The following ELAPOR2 variants were observed in gnomAD, a reference collection of about 807,000 sequenced individuals.
ELAPOR2 encodes the protein endosome-lysosome associated apoptosis and autophagy regulator family member 2.
ELAPOR2 carries 89 observed loss-of-function variants against 120.7 expected under a neutral mutation model. The observed-to-expected ratio is 0.74, with a 90% CI of 0.62 to 0.88. The LOEUF is 0.88. Ranked by LOEUF, ELAPOR2 falls within the 40% of genes least tolerant of loss-of-function variation. The pLI is 0.00. For missense variants in ELAPOR2, 1,134 were observed against 1,251.6 expected (o/e 0.91, Z 1.42); for synonymous variants, 444 against 444.9 (o/e 1.00, Z 0.03).
At chr7:87,047,329 G>A (rs994247137) in intron 1 of ELAPOR2, among the ~76,000 whole-genome samples, 18 of 152,136 alleles carry the variant, frequency 1.2e-4, no homozygotes, top group Admixed American at 2.6e-4. Context: ...AGCAAAAATA[G>A]ACAAATGGGA....
intron 1 of ELAPOR2, among the ~76,000 whole-genome samples, chr7:87,032,432 A>C (rs1292047087): frequency 1.3e-5 from 2 of 152,220 alleles, no homozygotes; most frequent in Non-Finnish European, 2.9e-5. Context: ...GTAAAATGAC[A>C]GAATTACACA....
At position 86,919,224 on chromosome 7, in the gene ELAPOR2, A is replaced by G. The variant is rs570321845; in HGVS notation, c.1486T>C (p.Phe496Leu). The stretch of plus-strand genomic sequence containing the variant: ...AATTAGAATTGTTTTCCTTACTTAA[A>G]TCCTGGGATATGCAAGTTTAAGATC... The part of the protein sequence containing the change: ...YLILNLHIPG[F>L]KPPTSMTGAT... The change falls in exon 11 of 22, where the codon TTT (phenylalanine) becomes CTT (leucine). Residue 496 changes from phenylalanine to leucine, a missense_variant. This residue lies in a region of ELAPOR2 where 831 missense variants were observed against 867.6 expected (regional missense o/e 0.96). Coordinates refer to ENST00000450689, the MANE Select transcript of ELAPOR2 (RefSeq NM_001142749.3). 4.9e-5 allele frequency: 79 copies of G among 1,607,666 alleles called. No individual in the cohort carries two copies. In the South Asian group the frequency reaches 8.2e-4, roughly 17 times the overall value.
intron 1 of ELAPOR2, among the ~76,000 whole-genome samples, chr7:86,993,636 A>G (rs1793028387): frequency 6.6e-6 from 1 of 152,230 alleles, no homozygotes; most frequent in Non-Finnish European, 1.5e-5. Context: ...GAATTATACT[A>G]CTGCCTTTCA....
At chr7:86,998,535 G>C (rs1269615281) in intron 1 of ELAPOR2, among the ~76,000 whole-genome samples, 1 of 152,156 alleles carries the variant, frequency 6.6e-6, no homozygotes, top group Non-Finnish European at 1.5e-5. Context: ...TTTTGGGGCA[G>C]AGAGTTTGTT....
chr7:86,954,844 T>G (rs28635668), intron 2 of ELAPOR2, among the ~76,000 whole-genome samples: 17,491 of 152,098 alleles, frequency 0.11, 1,063 homozygotes, highest in East Asian at 0.14. Flanking sequence ...TTAAATAAGA[T>G]GAATAAGGTT....
At chr7:86,910,854 T>C (rs1789271397) in intron 15 of ELAPOR2, among the ~76,000 whole-genome samples, 1 of 152,096 alleles carries the variant, frequency 6.6e-6, no homozygotes, top group Non-Finnish European at 1.5e-5. Flanking sequence ...TTAATGCAGC[T>C]AGCAGACCTA....
intron 1 of ELAPOR2, among the ~76,000 whole-genome samples, chr7:86,990,771 A>G (rs1437053620): frequency 6.6e-6 from 1 of 152,204 alleles, no homozygotes; most frequent in African/African-American, 2.4e-5. Flanking sequence ...GCCTTATTTC[A>G]GCTTAAACTT....
At chr7:86,952,293 C>A (rs530459337) in intron 2 of ELAPOR2, among the ~76,000 whole-genome samples, 1 of 152,198 alleles carries the variant, frequency 6.6e-6, no homozygotes, top group East Asian at 1.9e-4. Context: ...AGGGATTATG[C>A]CTATATACCA....
chr7:86,990,004 T>C (rs1635031), intron 1 of ELAPOR2, among the ~76,000 whole-genome samples: 57,407 of 151,732 alleles, frequency 0.38, 11,714 homozygotes, highest in African/African-American at 0.53. Context: ...GGTGGCGCCT[T>C]TAAGAGGTGA....
chr7:87,057,359 C>CCCCT (rs1419223357), intron 1 of ELAPOR2, among the ~76,000 whole-genome samples: 1 of 152,176 alleles, frequency 6.6e-6, no homozygotes, highest in African/African-American at 2.4e-5. Flanking sequence ...ACAGATTCAA[C>CCCCT]CCCTGGGAGG....
Position 86,878,331 on chromosome 7 carries a change from A to G in ELAPOR2, c.*2140T>C, listed in dbSNP as rs1799247412. ...ACAAACCACTGGAATCCAAGGGAAA[A>G]AATCACCTCCTTCCCAAAGATGGGA... On this transcript the variant is annotated 3_prime_UTR_variant, in exon 22 of 22. Coordinates refer to ENST00000450689, the MANE Select transcript of ELAPOR2 (RefSeq NM_001142749.3). 1.3e-5 allele frequency: 2 copies of G among 152,252 alleles called. No homozygotes were observed. The highest frequency in any genetic ancestry group is 4.8e-5 in the African/African-American group (2 of 41,470). The allele number at this position is 152,252 out of a possible 1,614,324, so 9.4% of individuals were successfully genotyped here. A position where few individuals can be genotyped will look rare whatever the true frequency, so the allele number is the denominator to read the frequency against.
At chr7:86,917,882 C>T (rs1162196760) in intron 12 of ELAPOR2, among the ~76,000 whole-genome samples, 1 of 152,126 alleles carries the variant, frequency 6.6e-6, no homozygotes, top group Non-Finnish European at 1.5e-5. Context: ...AGCCAACAAA[C>T]TTCTAAATCT....
chr7:86,953,093 CAAAA>C (rs11351621), intron 2 of ELAPOR2, among the ~76,000 whole-genome samples: 4 of 99,616 alleles, frequency 4.0e-5, no homozygotes, highest in African/African-American at 3.8e-5. Context: ...AAGCCTCTGT[CAAAA>C]AAAAAAAAAA....
chr7:86,903,243 T>C (rs534599619), intron 18 of ELAPOR2, among the ~76,000 whole-genome samples: 4 of 152,230 alleles, frequency 2.6e-5, no homozygotes, highest in Non-Finnish European at 4.4e-5. Context: ...CTGAAGTATA[T>C]AATTTTAGCA....
intron 1 of ELAPOR2, among the ~76,000 whole-genome samples, chr7:86,985,121 C>T (rs1385770097): frequency 6.6e-6 from 1 of 152,120 alleles, no homozygotes; most frequent in African/African-American, 2.4e-5. Context: ...CACACCCTCC[C>T]AAGACAAAAC....
chr7:86,905,426 T>C (rs1484604405), intron 18 of ELAPOR2, among the ~76,000 whole-genome samples: 1 of 151,858 alleles, frequency 6.6e-6, no homozygotes, highest in Non-Finnish European at 1.5e-5. Context: ...TGATGGGAAA[T>C]TGATTCAAGA....
At chr7:86,896,927 A>G (rs1394124997) in intron 19 of ELAPOR2, among the ~76,000 whole-genome samples, 1 of 152,156 alleles carries the variant, frequency 6.6e-6, no homozygotes, top group Non-Finnish European at 1.5e-5. Context: ...ATGTACAAAA[A>G]GATTGTATTC....
At chr7:86,948,725 A>G (rs1403072725) in intron 2 of ELAPOR2, among the ~76,000 whole-genome samples, 3 of 152,104 alleles carry the variant, frequency 2.0e-5, no homozygotes, top group Non-Finnish European at 4.4e-5. Flanking sequence ...AGAATAGTTG[A>G]CACACTACAA....
At chr7:86,917,943 T>C (rs1789639965) in intron 12 of ELAPOR2, among the ~76,000 whole-genome samples, 1 of 152,082 alleles carries the variant, frequency 6.6e-6, no homozygotes, top group Admixed American at 6.6e-5. Flanking sequence ...AAGCTAAGAG[T>C]AGAGATTTGT....
Sources: gnomAD v4.1 joint callset for allele counts (sites outside exome capture counted in the v4.1 genomes callset) on GRCh38, gnomAD v4.1.1 for gene constraint, gnomAD v4.1.1 regional missense constraint, MANE v1.5 for transcripts, NCBI Gene and HGNC (gene_info 2026-07-23, HGNC 2026-07-21) for gene names.